CA9: variants seen among roughly 807,000 people sequenced by gnomAD.
CA9 encodes CA-IX.
In CA9, 43 loss-of-function variants were observed where a neutral mutation model predicts 51.8. The ratio of observed to expected loss-of-function variants is 0.83; its 90% CI spans 0.65 to 1.07. The LOEUF (loss-of-function observed/expected upper bound fraction) is 1.07. Among genes scored for constraint, CA9 ranks in the 50% least tolerant of loss-of-function variants. The pLI, the probability that CA9 is intolerant of heterozygous loss-of-function variation, is 0.00. For missense variants in CA9, 574 were observed against 581.4 expected (o/e 0.99, Z 0.13); for synonymous variants, 253 against 244.2 (o/e 1.04, Z -0.34).
intron 1 of CA9, 56 bp downstream of exon 1, chr9:35,674,418 C>A: frequency 6.6e-7 from 1 of 1,513,432 alleles, no homozygotes; most frequent in Non-Finnish European, 9.0e-7. Context: ...ACTCCCCTCC[C>A]ATACCCCAGC....
chr9:35,675,229 G>C (rs1824392878), intron 1 of CA9: 2 of 418,736 alleles, frequency 4.8e-6, no homozygotes, highest in South Asian at 5.8e-5. Context: ...CCTGATCTCA[G>C]GTGATCCAAC....
intron 7 of CA9, among the ~76,000 whole-genome samples, chr9:35,679,550 A>G (rs1824488890): frequency 6.6e-6 from 1 of 151,542 alleles, no homozygotes; most frequent in Non-Finnish European, 1.5e-5. Context: ...ATCTCTACCA[A>G]AAAAACCCCA....
At position 35,676,283 on chromosome 9, in the gene CA9, C is replaced by T. The variant is rs747655759; in HGVS notation, c.748-14C>T. 37 of 1,613,866 alleles carry T rather than the reference C, an allele frequency of 2.3e-5. No individual in the cohort carries two copies. Among genetic ancestry groups the T allele is most frequent in the East Asian group, 1.8e-4 (8 of 44,892 alleles). On this transcript the variant is annotated splice_polypyrimidine_tract_variant and intron_variant, in intron 4 of 10. Transcript: ENST00000378357. Reference sequence around the variant, plus strand: ...CAGAGACGTGGCCCTCTCCTACCCTCGTGTCCTTTTCAGATCCACGTGGTT... The same window carrying T: ...CAGAGACGTGGCCCTCTCCTACCCTTGTGTCCTTTTCAGATCCACGTGGTT...
In CA9 at chr9:35,675,812, C is replaced by T. The variant is rs775685259; in HGVS notation, c.485C>T (p.Ser162Phe). 2 of 1,603,594 alleles carry T rather than the reference C, an allele frequency of 1.2e-6. No homozygotes were observed. The highest frequency in any genetic ancestry group is 1.3e-5 in the African/African-American group (1 of 74,908). ...CCAGCCTGCGCGGGCCGCTTCCAGT[C>T]CCCGGTGGATATCCGCCCCCAGCTC... ...VSPACAGRFQ[S>F]PVDIRPQLAA... Residue 162 changes from serine to phenylalanine, a missense_variant, in exon 3 of 11, where the codon TCC (serine) becomes TTC (phenylalanine). By Grantham distance (155) the Ser-to-Phe change is radical. Coordinates refer to ENST00000378357, the MANE Select transcript of CA9 (RefSeq NM_001216.3).
rs78383651 is a variant in CA9, at chr9:35,676,918, T to C, written c.840+529T>C. Among the ~76,000 whole-genome samples the C allele has an allele frequency of 8.0e-3, 1,220 of 152,316 alleles. 43 individuals carry two copies. Among genetic ancestry groups the C allele is most frequent in the Admixed American group, 0.055 (845 of 15,290 alleles). On this transcript the variant is annotated intron_variant, in intron 5 of 10. Coordinates refer to ENST00000378357, the MANE Select transcript of CA9 (RefSeq NM_001216.3). ...CCCAGGCTGGAGTGCAGTGGTGTGATCTTGGGTCACTGCAACTTCCGCCTC... is the reference window on the plus strand; with the variant it reads ...CCCAGGCTGGAGTGCAGTGGTGTGACCTTGGGTCACTGCAACTTCCGCCTC...
At chr9:35,675,445 C>T in intron 1 of CA9, 93 bp from the exon 2 acceptor site, 10 of 1,408,964 alleles carry the variant, frequency 7.1e-6, no homozygotes, top group Non-Finnish European at 1.0e-5. Flanking sequence ...CCGTAATGCT[C>T]CTGTAAGGCA....
intron 6 of CA9, 137 bp from the exon 7 acceptor site, chr9:35,679,048 A>C: frequency 9.8e-6 from 8 of 814,136 alleles, no homozygotes; most frequent in South Asian, 5.5e-5. Flanking sequence ...GTCTTATGGG[A>C]AGGGCCTGCA....
At position 35,674,368 on chromosome 9, in the gene CA9, T is replaced by C. The variant is rs1587943515; in HGVS notation, c.403+6T>C. On this transcript the variant is annotated splice_donor_region_variant and intron_variant, in intron 1 of 10. Coordinates refer to ENST00000378357, the MANE Select transcript of CA9 (RefSeq NM_001216.3). ...TGCCCACAGGGACAAAGAAGGTAAG[T>C]GGTCATCAATCTCCAAATCCAGGTT... 6.2e-7 allele frequency: 1 copy of C among 1,602,224 alleles called. No individual in the cohort carries two copies.
In CA9 at chr9:35,681,079, C is replaced by T. The variant is rs576565120; in HGVS notation, c.*54C>T. The T allele has an allele frequency of 1.9e-5, 29 of 1,496,692 alleles. No individual in the cohort carries two copies. In the East Asian group the frequency reaches 2.3e-4, roughly 12 times the overall value. 92.7% of individuals were successfully genotyped at this position (1,496,692 alleles called of 1,614,324 possible). On this transcript the variant is annotated 3_prime_UTR_variant, in exon 11 of 11. Transcript: ENST00000378357. ...CAGCCAGAGGCATCTGAGGGGGAGC[C>T]GGTAACTGTCCTGTCCTGCTCATTA...
intron 5 of CA9, 107 bp from the exon 6 acceptor site, chr9:35,677,683 C>T (rs927541334): frequency 3.6e-6 from 3 of 833,232 alleles, no homozygotes; most frequent in Non-Finnish European, 6.1e-6. Flanking sequence ...TCAGCATTCT[C>T]AGAGCTGAGG....
intron 4 of CA9, 26 bp from the exon 5 acceptor site, chr9:35,676,271 C>G (rs576036847): frequency 6.2e-7 from 1 of 1,613,968 alleles, no homozygotes; most frequent in African/African-American, 1.3e-5. Flanking sequence ...AGACGTGGCC[C>G]TCTCCTACCC....
In CA9 at chr9:35,675,545, C is replaced by T. The variant is rs758013190; in HGVS notation, c.411C>T (p.Asp137=). Residue 137 remains aspartate, a synonymous_variant, in exon 2 of 11, where the codon GAC becomes GAT. Coordinates refer to ENST00000378357, the MANE Select transcript of CA9 (RefSeq NM_001216.3). ...TCCTTTTCATTTATACAGGGGATGACCAGAGTCATTGGCGCTATGGAGGTG... is the reference window on the plus strand; with the variant it reads ...TCCTTTTCATTTATACAGGGGATGATCAGAGTCATTGGCGCTATGGAGGTG... ...NNAHRDKEGD[D]QSHWRYGGDP... is the part of the protein sequence containing the mutation. 1 of 1,614,138 alleles carries T rather than the reference C, an allele frequency of 6.2e-7. No individual in the cohort carries two copies. Among genetic ancestry groups the T allele is most frequent in the South Asian group, 1.1e-5 (1 of 91,086 alleles).
chr9:35,677,019 A>AT (rs1052541212), intron 5 of CA9, among the ~76,000 whole-genome samples: 89 of 151,212 alleles, frequency 5.9e-4, no homozygotes, highest in African/African-American at 2.0e-3. Flanking sequence ...TGCCCAGCTA[A>AT]TTTTTTTTTG....
rs1243093993 is a variant in CA9, at chr9:35,679,259, G to C, written c.982G>C (p.Glu328Gln). 1.2e-6 allele frequency: 2 copies of C among 1,614,202 alleles called. No individual in the cohort carries two copies. Among genetic ancestry groups the C allele is most frequent in the East Asian group, 4.5e-5 (2 of 44,888 alleles). The change falls in exon 7 of 11, where the codon GAG becomes CAG. Residue 328 changes from glutamate (E) to glutamine (Q), a missense_variant. Physicochemically the swap from Glu to Gln is conservative, Grantham distance 29 (BLOSUM62 2). Transcript: ENST00000378357. ...TGACTTCAGCCGCTACTTCCAATAT[G>C]AGGGGTCTCTGACTACACCGCCCTG... ...PSDFSRYFQY[E>Q]GSLTTPPCAQ...
intron 9 of CA9, 22 bp from the exon 10 acceptor site, chr9:35,680,731 C>T: frequency 6.2e-7 from 1 of 1,607,498 alleles, no homozygotes; most frequent in Non-Finnish European, 8.5e-7. Flanking sequence ...CCCAAAGCAG[C>T]CCTCTCTGCT....
At chr9:35,676,432 C>A in intron 5 of CA9, 43 bp downstream of exon 5, 1 of 1,490,414 alleles carries the variant, frequency 6.7e-7, no homozygotes, top group South Asian at 1.2e-5. Context: ...TTTCCCATCC[C>A]ATGCTCCTCC....
At chr9:35,675,246 G>A in intron 1 of CA9, 1 of 468,126 alleles carries the variant, frequency 2.1e-6, no homozygotes, top group Non-Finnish European at 3.8e-6. Flanking sequence ...CAACCACCCT[G>A]GCCTCCCAAA....
rs779150573 is a variant in CA9, at chr9:35,673,933, G to A, written c.-27G>A. On this transcript the variant is annotated 5_prime_UTR_variant, in exon 1 of 11. In the 5' UTR this introduces an upstream ATG that the reference lacks. Transcript: ENST00000378357. ...TGCACGTACAGCCCGTACACACCGT[G>A]TGCTGGGACACCCCACAGTCAGCCG... The A allele has an allele frequency of 6.4e-7, 1 of 1,568,910 alleles. No individual in the cohort carries two copies. Among genetic ancestry groups the A allele is most frequent in the East Asian group, 2.2e-5 (1 of 44,528 alleles).
chr9:35,675,709 C>T, intron 2 of CA9, 52 bp from the exon 3 acceptor site: 2 of 1,577,386 alleles, frequency 1.3e-6, no homozygotes, highest in Non-Finnish European at 8.7e-7. Context: ...CCCGGGTTCC[C>T]TAAGTTCCTG....
Sources: allele counts gnomAD v4.1 joint callset (sites outside exome capture counted in the v4.1 genomes callset), GRCh38; gene constraint gnomAD v4.1.1; transcripts MANE v1.5; gene names NCBI Gene and HGNC (gene_info 2026-07-23, HGNC 2026-07-21).